The following DLEC1 variants were observed in gnomAD, a reference collection of about 807,000 sequenced individuals.
DLEC1 encodes deleted in lung and esophageal cancer protein 1.
In DLEC1, 146 loss-of-function variants were observed where a neutral mutation model predicts 198.1. The ratio of observed to expected loss-of-function variants is 0.74; its 90% CI spans 0.64 to 0.85. DLEC1 has a LOEUF of 0.85. Ranked by LOEUF, DLEC1 falls within the 40% of genes least tolerant of loss-of-function variation. The pLI is 0.00. For synonymous variants in DLEC1, 897 were observed against 866.8 expected, an observed-to-expected ratio of 1.03 and a Z score of -0.61; for missense variants, 2,233 against 2,220.0, an observed-to-expected ratio of 1.01 and a Z score of -0.12.
intron 14 of DLEC1, among the ~76,000 whole-genome samples, 184 bp downstream of exon 14, chr3:38,096,130 A>C (rs1250966552): frequency 6.6e-6 from 1 of 152,060 alleles, no homozygotes; most frequent in African/African-American, 2.4e-5. Context: ...TGAGCACACT[A>C]AGCTCGCTAA....
At chr3:38,100,236 C>T (rs1283781920) in intron 18 of DLEC1, 50 bp from the exon 19 acceptor site, 4 of 1,543,282 alleles carry the variant, frequency 2.6e-6, no homozygotes, top group Non-Finnish European at 2.6e-6. Context: ...AGTTCCTCTG[C>T]AATTCCAAGT....
chr3:38,061,271 C>G (rs564236495), intron 3 of DLEC1, among the ~76,000 whole-genome samples: 3 of 152,156 alleles, frequency 2.0e-5, no homozygotes, highest in Admixed American at 1.3e-4. Context: ...CTCCTGGGTT[C>G]AAGCGTTTCT....
chr3:38,046,511 C>T (rs1415876301), intron 2 of DLEC1, among the ~76,000 whole-genome samples: 1 of 152,202 alleles, frequency 6.6e-6, no homozygotes, highest in Non-Finnish European at 1.5e-5. Flanking sequence ...CACCTTCTAC[C>T]ATGATTGTGA....
At chr3:38,091,185 G>T (rs1698727955) in intron 10 of DLEC1, among the ~76,000 whole-genome samples, 3 of 152,156 alleles carry the variant, frequency 2.0e-5, no homozygotes, top group Admixed American at 2.0e-4. Flanking sequence ...GGCAACAAAA[G>T]TGAAAATAGG....
At chr3:38,077,803 G>T (rs1374653609) in intron 6 of DLEC1, among the ~76,000 whole-genome samples, 1 of 152,166 alleles carries the variant, frequency 6.6e-6, no homozygotes, top group African/African-American at 2.4e-5. Context: ...AGTCCTGGGT[G>T]GGGGCAAATC....
chr3:38,122,491 C>CAAAG lies in DLEC1; in HGVS notation c.*81_*84dup. ...AGGGATTAGGAGCAGCTCTTCAGCACAAAGACACAGACTTGGGGACCTGGG... is the reference window on the plus strand; with the variant it reads ...AGGGATTAGGAGCAGCTCTTCAGCACAAAGAAAGACACAGACTTGGGGACCTGGG... On this transcript the variant is annotated 3_prime_UTR_variant, in exon 37 of 37. Transcript: ENST00000308059. 1 of 1,613,200 alleles carries CAAAG rather than the reference C, an allele frequency of 6.2e-7. No homozygotes were observed. Among genetic ancestry groups the CAAAG allele is most frequent in the Non-Finnish European group, 8.5e-7 (1 of 1,179,804 alleles).
Position 38,088,333 on chromosome 3 carries a change from T to C in DLEC1, c.1610T>C (p.Phe537Ser), listed in dbSNP as rs961391979. Residue 537 changes from phenylalanine (F) to serine (S), a missense_variant, in exon 10 of 37, where the codon TTT becomes TCT. Phe to Ser is a radical substitution (Grantham distance 155, BLOSUM62 -2). Coordinates refer to ENST00000308059, the MANE Select transcript of DLEC1 (RefSeq NM_007335.4). Reference protein sequence around the residue: ...ATVGFVEQPPFGILPSVFELA... With the variant: ...ATVGFVEQPPSGILPSVFELA... ...GTCGGCTTTGTTGAACAACCTCCTT[T>C]TGGAATCCTGCCTTCGGTGTTTGAG... The C allele has an allele frequency of 6.2e-7, 1 of 1,613,982 alleles. No individual in the cohort carries two copies. Among genetic ancestry groups the C allele is most frequent in the Non-Finnish European group, 8.5e-7 (1 of 1,179,954 alleles).
At chr3:38,081,547 A>G (rs1428403089) in intron 6 of DLEC1, among the ~76,000 whole-genome samples, 1 of 93,520 alleles carries the variant, frequency 1.1e-5, no homozygotes, top group Non-Finnish European at 2.1e-5. Flanking sequence ...CACCTCCCGG[A>G]TGGGGCGGCT....
In DLEC1 at chr3:38,041,847, C is replaced by CAA. The variant is rs751455053; in HGVS notation, c.411+2229_411+2230dup. On this transcript the variant is annotated intron_variant, in intron 1 of 36. Coordinates refer to ENST00000308059, the MANE Select transcript of DLEC1 (RefSeq NM_007335.4). ...TGGGCGACAGAACGAGACTCCGTTTCAAAAAAAAAAAAAAAAAAAGAAATA... is the reference window on the plus strand; with the variant it reads ...TGGGCGACAGAACGAGACTCCGTTTCAAAAAAAAAAAAAAAAAAAAAGAAATA... 1.1e-3 allele frequency among the ~76,000 whole-genome samples: 80 copies of CAA among 71,644 alleles called. 1 individual carries two copies. The highest frequency in any genetic ancestry group is 2.9e-3 in the African/African-American group (56 of 19,596). The allele number at this position is 71,644 out of a possible 152,430, so 47.0% of individuals were successfully genotyped here.
Position 38,062,354 on chromosome 3 carries a change from A to G in DLEC1, c.859A>G (p.Arg287Gly), listed in dbSNP as rs368760298. The change falls in exon 4 of 37, where the codon AGA becomes GGA. Residue 287 changes from arginine to glycine, a missense_variant. By Grantham distance (125) the Arg-to-Gly change is moderately radical (BLOSUM62 -2). Transcript: ENST00000308059. Reference sequence around the variant, plus strand: ...AACTCCTAAGGCCAAAGAAAGGACCAGAGAACCTCTCAAGGTCAGTTTGGA... The same window carrying G: ...AACTCCTAAGGCCAAAGAAAGGACCGGAGAACCTCTCAAGGTCAGTTTGGA... ...NLTPKAKERTREPLKKASQPR... is the reference protein window; with the variant it reads ...NLTPKAKERTGEPLKKASQPR... 1.9e-6 allele frequency: 3 copies of G among 1,614,122 alleles called. No individual in the cohort carries two copies. Among genetic ancestry groups the G allele is most frequent in the Non-Finnish European group, 2.5e-6 (3 of 1,180,048 alleles).
Position 38,117,874 on chromosome 3 carries a change from C to A in DLEC1, c.4554C>A (p.Phe1518Leu). 6.2e-7 allele frequency: 1 copy of A among 1,614,194 alleles called. No individual in the cohort carries two copies. Reference protein sequence around the residue: ...LTNTTEIPHYFRLMVSRPFSV... With the variant: ...LTNTTEIPHYLRLMVSRPFSV... Reference sequence around the variant, plus strand: ...ACACTACAGAGATCCCACACTACTTCCGGCTTATGGTCTCCAGGCCCTTCT... The same window carrying A: ...ACACTACAGAGATCCCACACTACTTACGGCTTATGGTCTCCAGGCCCTTCT... The change falls in exon 33 of 37, where the codon TTC (phenylalanine) becomes TTA (leucine). Residue 1518 changes from phenylalanine (F) to leucine (L), a missense_variant. By Grantham distance (22) the Phe-to-Leu change is conservative (BLOSUM62 0). Transcript: ENST00000308059.
chr3:38,065,989 A>AT (rs758408198), intron 6 of DLEC1, among the ~76,000 whole-genome samples: 1 of 152,076 alleles, frequency 6.6e-6, no homozygotes, highest in Non-Finnish European at 1.5e-5. Flanking sequence ...TATCTTCCAT[A>AT]TTTTCCACAA....
At chr3:38,066,465 A>G (rs557730539) in intron 6 of DLEC1, among the ~76,000 whole-genome samples, 4 of 152,328 alleles carry the variant, frequency 2.6e-5, no homozygotes, top group East Asian at 1.9e-4. Context: ...TTTTTGAACC[A>G]TAAGCAAATA....
In DLEC1 at chr3:38,120,626, C is replaced by A. The variant is rs542689748; in HGVS notation, c.4866+17C>A. ...ACCACTCAGGCACGCCCCAGGCCCA[C>A]CTACATGTGGAGGAGGGTGGAAGTG... On this transcript the variant is annotated intron_variant, in intron 34 of 36. Coordinates refer to ENST00000308059, the MANE Select transcript of DLEC1 (RefSeq NM_007335.4). 1 of 1,612,308 alleles carries A rather than the reference C, an allele frequency of 6.2e-7. No individual in the cohort carries two copies. The highest frequency in any genetic ancestry group is 8.5e-7 in the Non-Finnish European group (1 of 1,179,758).
At chr3:38,078,426 G>T (rs919386539) in intron 6 of DLEC1, among the ~76,000 whole-genome samples, 2 of 152,194 alleles carry the variant, frequency 1.3e-5, no homozygotes, top group African/African-American at 4.8e-5. Flanking sequence ...AGGCTACAGG[G>T]TGCGGTCCTG....
intron 7 of DLEC1, among the ~76,000 whole-genome samples, chr3:38,084,554 A>G (rs151177342): frequency 0.39 from 263 of 672 alleles, 14 homozygotes; most frequent in Middle Eastern, 0.5. Context: ...TAGTAGTGGT[A>G]GTAGTAGTGG....
Position 38,097,820 on chromosome 3 carries a change from T to C in DLEC1, c.2642T>C (p.Ile881Thr). ...LRLGQKATNS[I>T]QIRNVSQLPA... ...CTGGGGCAGAAAGCCACAAACTCCA[T>C]CCAGATCCGGAACGTCAGCCAGCTC... Residue 881 changes from isoleucine (I) to threonine (T), a missense_variant, in exon 18 of 37, where the codon ATC becomes ACC. Physicochemically the swap from Ile to Thr is moderately conservative, Grantham distance 89 (BLOSUM62 -1). Transcript: ENST00000308059. The C allele has an allele frequency of 6.2e-7, 1 of 1,614,106 alleles. No individual in the cohort carries two copies. Among genetic ancestry groups the C allele is most frequent in the Non-Finnish European group, 8.5e-7 (1 of 1,180,016 alleles).
chr3:38,089,496 T>G (rs1196204817), intron 10 of DLEC1, among the ~76,000 whole-genome samples: 1 of 152,212 alleles, frequency 6.6e-6, no homozygotes, highest in Non-Finnish European at 1.5e-5. Flanking sequence ...TGATCCCTGA[T>G]GAGAAACTAG....
rs946829154 is a variant in DLEC1, at chr3:38,096,333, C to T, written c.2172-236C>T. On this transcript the variant is annotated intron_variant, in intron 14 of 36. Transcript: ENST00000308059. ...CCCAGGCTGGAGGGCTGCAGATGGT[C>T]CCTGGAGGCAGCAGGGCAATGCCCC... is the stretch of plus-strand genomic sequence containing the variant. Among the ~76,000 whole-genome samples, 7 of 152,170 alleles carry T rather than the reference C, an allele frequency of 4.6e-5. 1 individual carries two copies.
Sources: gnomAD v4.1 joint callset for allele counts (sites outside exome capture counted in the v4.1 genomes callset) on GRCh38, gnomAD v4.1.1 for gene constraint, MANE v1.5 for transcripts, NCBI Gene and HGNC (gene_info 2026-07-23, HGNC 2026-07-21) for gene names.